GRM7: variants seen among roughly 807,000 people sequenced by gnomAD.
GRM7 encodes the protein metabotropic glutamate receptor 7.
Under a neutral mutation model 84.5 loss-of-function variants are expected in GRM7, and 35 were observed. That is an observed-to-expected ratio of 0.41 (90% CI 0.32 to 0.55). The LOEUF is 0.55. GRM7 is among the 20% of genes least tolerant of loss of function. The pLI is 0.19. For missense variants in GRM7, 1,003 were observed against 1,194.6 expected (o/e 0.84, Z 2.36); for synonymous variants, 487 against 455.1 (o/e 1.07, Z -0.89).
At chr3:7,293,542 G>A (rs984074994) in intron 2 of GRM7, among the ~76,000 whole-genome samples, 4 of 152,168 alleles carry the variant, frequency 2.6e-5, no homozygotes, top group African/African-American at 9.7e-5. Context: ...AGACTTTCCA[G>A]TTCTCCCTAC....
chr3:7,409,726 A>G (rs1027986411), intron 4 of GRM7, among the ~76,000 whole-genome samples: 3 of 152,040 alleles, frequency 2.0e-5, no homozygotes, highest in African/African-American at 7.2e-5. Context: ...TCAGCCTCCC[A>G]AGTAGCTGGG....
At chr3:7,455,801 G>T (rs1697984274) in intron 6 of GRM7, among the ~76,000 whole-genome samples, 1 of 152,118 alleles carries the variant, frequency 6.6e-6, no homozygotes, top group Non-Finnish European at 1.5e-5. Flanking sequence ...AACATTTACA[G>T]ATTAATTTTA....
intron 1 of GRM7, among the ~76,000 whole-genome samples, chr3:7,069,059 T>TTATATATA (rs58544723): frequency 1.3e-4 from 20 of 149,236 alleles, no homozygotes; most frequent in African/African-American, 4.9e-4. Flanking sequence ...ATACATAATT[T>TTATATATA]TATATATATA....
rs1693846566 is a variant in GRM7, at chr3:7,365,638, TGC to T, written c.1034-49383_1034-49382del. Among the ~76,000 whole-genome samples the T allele has an allele frequency of 2.3e-4, 25 of 107,720 alleles. No homozygotes were observed. In the South Asian group the frequency reaches 4.6e-3, roughly 20 times the overall value. 70.7% of individuals were successfully genotyped at this position (107,720 alleles called of 152,430 possible). A position where few individuals can be genotyped will look rare whatever the true frequency, so the allele number is the denominator to read the frequency against. Reference sequence around the variant, plus strand: ...GTCTGATTTAATATGCATGTGTGTGTGCGTGTGTGTATATATATATATATATA... The same window carrying T: ...GTCTGATTTAATATGCATGTGTGTGTGTGTGTGTATATATATATATATATA... On this transcript the variant is annotated intron_variant, in intron 4 of 9. Transcript: ENST00000357716.
At chr3:6,891,156 A>G (rs1325243646) in intron 1 of GRM7, among the ~76,000 whole-genome samples, 1 of 152,190 alleles carries the variant, frequency 6.6e-6, no homozygotes, top group African/African-American at 2.4e-5. Context: ...TCCTGAATAC[A>G]GCACACTGAT....
At chr3:7,070,604 T>G (rs1028641226) in intron 1 of GRM7, among the ~76,000 whole-genome samples, 2 of 152,096 alleles carry the variant, frequency 1.3e-5, no homozygotes, top group African/African-American at 2.4e-5. Flanking sequence ...CAATTTTTTT[T>G]AAAGTCACTA....
chr3:7,247,177 A>G (rs1414166805), intron 2 of GRM7, among the ~76,000 whole-genome samples: 1 of 152,172 alleles, frequency 6.6e-6, no homozygotes, highest in African/African-American at 2.4e-5. Flanking sequence ...TAAATTTAAG[A>G]GTTAAACCTA....
intron 2 of GRM7, among the ~76,000 whole-genome samples, chr3:7,261,181 G>A (rs1698408177): frequency 6.6e-6 from 1 of 152,108 alleles, no homozygotes; most frequent in African/African-American, 2.4e-5. Flanking sequence ...GCAGGTCACA[G>A]GGCCACAAAG....
intron 5 of GRM7, among the ~76,000 whole-genome samples, chr3:7,451,999 G>A (rs1196735541): frequency 6.6e-6 from 1 of 152,142 alleles, no homozygotes; most frequent in Non-Finnish European, 1.5e-5. Context: ...AAAATGGTGG[G>A]AGGCATAAAG....
chr3:7,019,762 C>T (rs57655844), intron 1 of GRM7, among the ~76,000 whole-genome samples: 1 of 152,142 alleles, frequency 6.6e-6, no homozygotes, highest in Non-Finnish European at 1.5e-5. Flanking sequence ...AGCTGTGGTA[C>T]ATCCGTAAAT....
chr3:7,414,899 TCG>T, intron 4 of GRM7, 122 bp from the exon 5 acceptor site: 3 of 637,060 alleles, frequency 4.7e-6, no homozygotes, highest in South Asian at 2.8e-5. Context: ...TTTTTTTTTT[TCG>T]GTCGACACAC....
At chr3:7,602,285 C>T (rs996001878) in intron 8 of GRM7, among the ~76,000 whole-genome samples, 1 of 152,022 alleles carries the variant, frequency 6.6e-6, no homozygotes, top group African/African-American at 2.4e-5. Flanking sequence ...CCATCCCTCC[C>T]CTAGTCAGGT....
intron 2 of GRM7, among the ~76,000 whole-genome samples, chr3:7,162,862 C>T (rs1370730138): frequency 6.9e-6 from 1 of 144,928 alleles, no homozygotes; most frequent in African/African-American, 2.5e-5. Context: ...TGGGTTCAAG[C>T]GATTCTCCTA....
At chr3:7,229,609 C>T (rs775570125) in intron 2 of GRM7, among the ~76,000 whole-genome samples, 18 of 149,622 alleles carry the variant, frequency 1.2e-4, no homozygotes, top group Non-Finnish European at 1.8e-4. Context: ...GCAAGAATAA[C>T]GGAAGGGTAA....
chr3:7,211,153 A>G (rs1453274697), intron 2 of GRM7, among the ~76,000 whole-genome samples: 1 of 152,218 alleles, frequency 6.6e-6, no homozygotes, highest in African/African-American at 2.4e-5. Context: ...TTCACCTTTG[A>G]CTAAAGTACC....
chr3:7,712,879 C>G (rs1701631566), intron 9 of GRM7, among the ~76,000 whole-genome samples: 1 of 152,020 alleles, frequency 6.6e-6, no homozygotes, highest in African/African-American at 2.4e-5. Flanking sequence ...TTCTGGCAGC[C>G]CCAGGTGATT....
intron 4 of GRM7, among the ~76,000 whole-genome samples, chr3:7,350,074 C>G (rs190286753): frequency 6.6e-6 from 1 of 152,064 alleles, no homozygotes; most frequent in African/African-American, 2.4e-5. Context: ...GGATTATTGA[C>G]CCTTGCGTAA....
intron 4 of GRM7, among the ~76,000 whole-genome samples, chr3:7,360,895 AC>A (rs1693632120): frequency 6.6e-6 from 1 of 151,994 alleles, no homozygotes; most frequent in Non-Finnish European, 1.5e-5. Flanking sequence ...ATGAAATCTT[AC>A]GTTTTGAAAG....
intron 5 of GRM7, among the ~76,000 whole-genome samples, chr3:7,435,851 C>CTTT (rs34860272): frequency 6.4e-4 from 57 of 89,240 alleles, no homozygotes; most frequent in East Asian, 1.7e-3. Flanking sequence ...CCACACCCAT[C>CTTT]TTTTTTTTTT....
Sources: allele counts gnomAD v4.1 joint callset (sites outside exome capture counted in the v4.1 genomes callset), GRCh38; gene constraint gnomAD v4.1.1; transcripts MANE v1.5; gene names NCBI Gene and HGNC (gene_info 2026-07-23, HGNC 2026-07-21).